TMEM267: variants seen among roughly 807,000 people sequenced by gnomAD.
The protein encoded by TMEM267 is transmembrane protein 267.
A neutral mutation model predicts 19.3 loss-of-function variants in TMEM267; 20 were observed. The ratio of observed to expected loss-of-function variants is 1.04; its 90% CI spans 0.73 to 1.51. The LOEUF (loss-of-function observed/expected upper bound fraction) is 1.51. Ranked by LOEUF, TMEM267 falls within the 40% of genes most tolerant of loss-of-function variation. TMEM267 has a pLI of 0.00. For missense variants in TMEM267, 242 were observed against 261.9 expected (o/e 0.92, Z 0.52); for synonymous variants, 88 against 90.3 (o/e 0.97, Z 0.15).
intron 1 of TMEM267, among the ~76,000 whole-genome samples, chr5:43,455,257 C>T (rs967997626): frequency 2.6e-5 from 4 of 151,768 alleles, no homozygotes; most frequent in African/African-American, 7.3e-5. Context: ...GACACTGTCT[C>T]TACAAATAAT....
intron 2 of TMEM267, among the ~76,000 whole-genome samples, chr5:43,449,848 G>T (rs1053982310): frequency 1.3e-5 from 2 of 152,168 alleles, no homozygotes; most frequent in Non-Finnish European, 2.9e-5. Context: ...CTGATGTTGA[G>T]TTATGCTCTG....
At chr5:43,466,167 T>C (rs1344228211) in intron 1 of TMEM267, among the ~76,000 whole-genome samples, 6 of 152,090 alleles carry the variant, frequency 3.9e-5, no homozygotes, top group Admixed American at 3.9e-4. Flanking sequence ...ACCAAGTACA[T>C]TTAACCCAAA....
At chr5:43,446,616 C>T in intron 2 of TMEM267, 59 bp from the exon 3 acceptor site, 2 of 1,038,074 alleles carry the variant, frequency 1.9e-6, no homozygotes, top group Admixed American at 2.5e-5. Flanking sequence ...AAATTTTATA[C>T]ATGCTTCTTA....
At chr5:43,482,064 C>T (rs772765526) in intron 1 of TMEM267, among the ~76,000 whole-genome samples, 1 of 152,142 alleles carries the variant, frequency 6.6e-6, no homozygotes, top group Non-Finnish European at 1.5e-5. Flanking sequence ...AGGATGGTCT[C>T]GATCTCCTGA....
intron 2 of TMEM267, among the ~76,000 whole-genome samples, chr5:43,451,729 C>A (rs1238171244): frequency 2.6e-5 from 4 of 152,074 alleles, no homozygotes; most frequent in Admixed American, 1.3e-4. Flanking sequence ...ACCCTTTGAT[C>A]CAGCAATCCC....
At chr5:43,469,896 A>C (rs1433039021) in intron 1 of TMEM267, among the ~76,000 whole-genome samples, 2 of 152,224 alleles carry the variant, frequency 1.3e-5, no homozygotes, top group Non-Finnish European at 2.9e-5. Flanking sequence ...CGGATGGCTT[A>C]TCTTCACAGG....
intron 1 of TMEM267, among the ~76,000 whole-genome samples, chr5:43,474,313 C>T (rs902174092): frequency 2.6e-5 from 4 of 152,084 alleles, no homozygotes; most frequent in Admixed American, 6.5e-5. Context: ...ATCATCAGAG[C>T]GAACAGGCCA....
intron 1 of TMEM267, among the ~76,000 whole-genome samples, chr5:43,455,992 T>C (rs1742926002): frequency 1.3e-5 from 2 of 151,648 alleles, no homozygotes; most frequent in African/African-American, 2.4e-5. Context: ...TGTGTCACCA[T>C]GCCTTTTTTT....
chr5:43,467,216 G>C (rs1002696813), intron 1 of TMEM267, among the ~76,000 whole-genome samples: 4 of 150,478 alleles, frequency 2.7e-5, no homozygotes, highest in African/African-American at 9.8e-5. Flanking sequence ...TAACAAAATG[G>C]AAAGAGTAAG....
At chr5:43,449,686 A>ATT (rs1211032341) in intron 2 of TMEM267, among the ~76,000 whole-genome samples, 1 of 152,240 alleles carries the variant, frequency 6.6e-6, no homozygotes, top group Admixed American at 6.5e-5. Flanking sequence ...GTACTATAGT[A>ATT]ATAAAGGTTT....
intron 1 of TMEM267, among the ~76,000 whole-genome samples, chr5:43,456,266 A>G (rs1375131831): frequency 6.6e-6 from 1 of 152,254 alleles, no homozygotes; most frequent in Non-Finnish European, 1.5e-5. Flanking sequence ...ATCTTACTCC[A>G]TATACAAAAA....
intron 1 of TMEM267, among the ~76,000 whole-genome samples, chr5:43,462,513 A>G (rs1450191289): frequency 3.3e-5 from 5 of 152,222 alleles, no homozygotes; most frequent in Non-Finnish European, 1.5e-5. Flanking sequence ...AGCTGTGTTG[A>G]GGAAATTCAA....
intron 1 of TMEM267, among the ~76,000 whole-genome samples, chr5:43,460,724 G>A (rs552956943): frequency 6.6e-6 from 1 of 152,288 alleles, no homozygotes; most frequent in East Asian, 1.9e-4. Context: ...GAGCAGAAAG[G>A]AAAACCAGAC....
intron 1 of TMEM267, among the ~76,000 whole-genome samples, chr5:43,476,442 ATAGGTCTT>A (rs893400536): frequency 2.0e-4 from 29 of 144,764 alleles, no homozygotes; most frequent in Admixed American, 1.4e-4. Context: ...CCACAATTCC[ATAGGTCTT>A]TAGCTCACAA....
At chr5:43,453,540 A>G in intron 2 of TMEM267, 118 bp downstream of exon 2, 2 of 878,962 alleles carry the variant, frequency 2.3e-6, no homozygotes, top group Non-Finnish European at 3.5e-6. Flanking sequence ...AAAAGGTTAC[A>G]TGAATGTGCT....
intron 1 of TMEM267, among the ~76,000 whole-genome samples, chr5:43,464,525 C>A (rs537186048): frequency 6.6e-6 from 1 of 152,214 alleles, no homozygotes; most frequent in East Asian, 1.9e-4. Context: ...AGAACAAAGC[C>A]AGAGGCATCA....
rs1056660810 is a variant in TMEM267, at chr5:43,445,176, G to A, written c.*1046C>T. On this transcript the variant is annotated 3_prime_UTR_variant, in exon 3 of 3. Coordinates refer to ENST00000397080, the MANE Select transcript of TMEM267 (RefSeq NM_022483.5). The stretch of plus-strand genomic sequence containing the variant: ...AACTAAATTTTCCTTCTCTAATAAA[G>A]AGGAATCATTTTAATAGAAGATCAA... The A allele has an allele frequency of 9.2e-5, 14 of 151,892 alleles. No homozygotes were observed. Among genetic ancestry groups the A allele is most frequent in the Non-Finnish European group, 1.5e-4 (10 of 67,974 alleles). The allele number at this position is 151,892 out of a possible 1,614,324, so 9.4% of individuals were successfully genotyped here. A position where few individuals can be genotyped will look rare whatever the true frequency, so the allele number is the denominator to read the frequency against.
intron 1 of TMEM267, among the ~76,000 whole-genome samples, chr5:43,465,873 G>T (rs1443048978): frequency 4.6e-5 from 7 of 151,688 alleles, no homozygotes; most frequent in Non-Finnish European, 1.0e-4. Flanking sequence ...GTTAATGGGT[G>T]CAGCACACCA....
At chr5:43,483,705 C>T (rs1323423004) in intron 1 of TMEM267, 117 bp downstream of exon 1, 4 of 152,416 alleles carry the variant, frequency 2.6e-5, no homozygotes, top group Non-Finnish European at 5.9e-5. Flanking sequence ...CAACCGGACC[C>T]TCCAGACATC....
Sources: gnomAD v4.1 joint callset for allele counts (sites outside exome capture counted in the v4.1 genomes callset) on GRCh38, gnomAD v4.1.1 for gene constraint, MANE v1.5 for transcripts, NCBI Gene and HGNC (gene_info 2026-07-23, HGNC 2026-07-21) for gene names.